The following TRPC4 variants were observed in gnomAD, a reference collection of about 807,000 sequenced individuals.
TRPC4 encodes short transient receptor potential channel 4.
TRPC4 carries 49 observed loss-of-function variants against 99.4 expected under a neutral mutation model. That is an observed-to-expected ratio of 0.49 (90% CI 0.39 to 0.63). The LOEUF is 0.63. Among genes scored for constraint, TRPC4 ranks in the 20% least tolerant of loss-of-function variants. The pLI is 0.00. For missense variants in TRPC4, 898 were observed against 1,152.9 expected (o/e 0.78, Z 3.20); for synonymous variants, 454 against 425.9 (o/e 1.07, Z -0.81).
At chr13:37,736,895 A>ATTTTTT (rs34176145) in intron 3 of TRPC4, among the ~76,000 whole-genome samples, 9 of 127,744 alleles carry the variant, frequency 7.0e-5, no homozygotes, top group African/African-American at 2.1e-4. Flanking sequence ...TGCCTGGCTA[A>ATTTTTT]TTTTTTTTTT....
chr13:37,637,493 C>T lies in TRPC4; in HGVS notation c.2344G>A (p.Asp782Asn). The stretch of plus-strand genomic sequence containing the variant: ...TTGTCCTTGCTATTACCTTCGCTAT[C>T]ACTCTTTTCATCTGAGTCTGCCGAA... ...SNSADSDEKS[D>N]SEGNSKDKKK... The change falls in exon 11 of 11, where the codon GAT becomes AAT. Residue 782 changes from aspartate to asparagine, a missense_variant. By Grantham distance (23) the Asp-to-Asn change is conservative (BLOSUM62 1). Transcript: ENST00000379705. 1 of 1,613,772 alleles carries T rather than the reference C, an allele frequency of 6.2e-7. No individual in the cohort carries two copies. Among genetic ancestry groups the T allele is most frequent in the Non-Finnish European group, 8.5e-7 (1 of 1,179,788 alleles).
At chr13:37,814,650 C>A (rs541663806) in intron 1 of TRPC4, among the ~76,000 whole-genome samples, 6 of 151,662 alleles carry the variant, frequency 4.0e-5, no homozygotes, top group African/African-American at 1.4e-4. Flanking sequence ...GACTTGTACA[C>A]AAAAACTGCA....
intron 1 of TRPC4, among the ~76,000 whole-genome samples, chr13:37,843,744 G>A (rs74049204): frequency 0.03 from 4,632 of 151,976 alleles, 142 homozygotes; most frequent in African/African-American, 0.078. Context: ...TAGTGTGTTA[G>A]CAAGACAGCA....
rs11838935 is a variant in TRPC4, at chr13:37,681,658, C to T, written c.1235-7291G>A. ...AGGGTGCTATTAACTAAATAAAAAA[C>T]GAATTCAGCTAGTAAATTATCCATG... On this transcript the variant is annotated intron_variant, in intron 4 of 10. Transcript: ENST00000379705. Among the ~76,000 whole-genome samples the T allele has an allele frequency of 3.6e-3, 547 of 152,194 alleles. 3 individuals carry two copies. Among genetic ancestry groups the T allele is most frequent in the African/African-American group, 0.012 (501 of 41,526 alleles).
At chr13:37,683,943 G>C (rs1953355626) in intron 4 of TRPC4, among the ~76,000 whole-genome samples, 1 of 152,076 alleles carries the variant, frequency 6.6e-6, no homozygotes, top group Admixed American at 6.6e-5. Context: ...TATGATAACC[G>C]ATAGTGATAT....
chr13:37,746,246 T>A lies in TRPC4; in HGVS notation c.588A>T (p.Arg196Ser). 6.2e-7 allele frequency: 1 copy of A among 1,613,778 alleles called. No homozygotes were observed. The highest frequency in any genetic ancestry group is 8.5e-7 in the Non-Finnish European group (1 of 1,179,868). Residue 196 changes from arginine (R) to serine (S), a missense_variant, in exon 3 of 11, where the codon AGA becomes AGT. Coordinates refer to ENST00000379705, the MANE Select transcript of TRPC4 (RefSeq NM_016179.4). The stretch of plus-strand genomic sequence containing the variant: ...TGGCCAAGGCCTTGTAGATGTTGAG[T>A]CTGGAGCGTGAGTGACGGAGGCTGT... ...DVDSLRHSRS[R>S]LNIYKALASP...
chr13:37,858,061 C>T (rs1209210906), intron 1 of TRPC4, among the ~76,000 whole-genome samples: 2 of 151,530 alleles, frequency 1.3e-5, no homozygotes, highest in African/African-American at 4.8e-5. Flanking sequence ...GTTCAAACAA[C>T]TCTATAGGTA....
chr13:37,863,865 T>G (rs1355365028), intron 1 of TRPC4, among the ~76,000 whole-genome samples: 1 of 151,676 alleles, frequency 6.6e-6, no homozygotes, highest in African/African-American at 2.4e-5. Context: ...TGCATTCATT[T>G]ATTTCACTCA....
intron 1 of TRPC4, among the ~76,000 whole-genome samples, chr13:37,819,656 A>G (rs533794288): frequency 1.3e-5 from 2 of 152,056 alleles, no homozygotes; most frequent in African/African-American, 4.8e-5. Context: ...AACAACACAT[A>G]CTAAGACCTA....
In TRPC4 at chr13:37,712,176, G is replaced by A. The variant is rs1954508786; in HGVS notation, c.898-19841C>T. Among the ~76,000 whole-genome samples the A allele has an allele frequency of 5.3e-5, 8 of 152,136 alleles. No individual in the cohort carries two copies. The South Asian group carries it at 1.7e-3, about 31-fold the overall frequency. ...AACCCTCAACAGGTCTATTCCAGAA[G>A]ATAGGGATTGTGGTTATGTCCTTGA... On this transcript the variant is annotated intron_variant, in intron 3 of 10. Coordinates refer to ENST00000379705, the MANE Select transcript of TRPC4 (RefSeq NM_016179.4).
chr13:37,810,385 A>G (rs1957643210), intron 1 of TRPC4, among the ~76,000 whole-genome samples: 1 of 152,088 alleles, frequency 6.6e-6, no homozygotes. Context: ...GCTAATAGGC[A>G]TATATCATTA....
intron 1 of TRPC4, among the ~76,000 whole-genome samples, chr13:37,807,488 A>G (rs947280229): frequency 6.6e-6 from 1 of 152,056 alleles, no homozygotes; most frequent in Non-Finnish European, 1.5e-5. Flanking sequence ...AGCATATTAC[A>G]TCTGGGTCAT....
chr13:37,756,933 T>C (rs1956112745), intron 2 of TRPC4, among the ~76,000 whole-genome samples: 1 of 152,076 alleles, frequency 6.6e-6, no homozygotes, highest in African/African-American at 2.4e-5. Context: ...ATTACATACA[T>C]ATGGCTCTAA....
chr13:37,726,206 A>T (rs1218389209), intron 3 of TRPC4, among the ~76,000 whole-genome samples: 1 of 151,994 alleles, frequency 6.6e-6, no homozygotes, highest in Non-Finnish European at 1.5e-5. Flanking sequence ...CCCCCAAAAA[A>T]AAAAGTTAGT....
At chr13:37,835,620 T>C (rs961196124) in intron 1 of TRPC4, among the ~76,000 whole-genome samples, 8 of 152,178 alleles carry the variant, frequency 5.3e-5, no homozygotes, top group African/African-American at 1.9e-4. Context: ...CAGAAGTCAC[T>C]GGAAACTTTG....
chr13:37,848,251 CAA>C (rs769303169), intron 1 of TRPC4, among the ~76,000 whole-genome samples: 1 of 152,076 alleles, frequency 6.6e-6, no homozygotes, highest in East Asian at 1.9e-4. Context: ...ATACATATAT[CAA>C]GACATCACAT....
intron 2 of TRPC4, among the ~76,000 whole-genome samples, chr13:37,780,084 G>A (rs984797105): frequency 3.3e-5 from 5 of 151,994 alleles, no homozygotes; most frequent in African/African-American, 1.2e-4. Flanking sequence ...GGCCCAGGAC[G>A]AGGCCTGGCA....
intron 1 of TRPC4, among the ~76,000 whole-genome samples, chr13:37,826,608 C>T: frequency 6.6e-6 from 1 of 152,026 alleles, no homozygotes; most frequent in Non-Finnish European, 1.5e-5. Context: ...GGTCCCCACT[C>T]TCTTCTGGCT....
intron 3 of TRPC4, among the ~76,000 whole-genome samples, chr13:37,706,388 T>TA (rs1300304278): frequency 6.6e-6 from 1 of 152,158 alleles, no homozygotes; most frequent in Non-Finnish European, 1.5e-5. Flanking sequence ...TGAAATAGTC[T>TA]AGGCAGCTTC....
Sources: gnomAD v4.1 joint callset for allele counts (sites outside exome capture counted in the v4.1 genomes callset) on GRCh38, gnomAD v4.1.1 for gene constraint, MANE v1.5 for transcripts, NCBI Gene and HGNC (gene_info 2026-07-23, HGNC 2026-07-21) for gene names.